The following ZNF462 variants were observed in gnomAD, a reference collection of about 807,000 sequenced individuals.
ZNF462 encodes zinc finger PBX1-interacting protein.
In ZNF462, 10 loss-of-function variants were observed where a neutral mutation model predicts 201.9. The ratio of observed to expected loss-of-function variants is 0.05; its 90% CI spans 0.03 to 0.08. The LOEUF (loss-of-function observed/expected upper bound fraction) is 0.08, where lower values mean the gene tolerates loss of function less well. ZNF462 is among the 10% of genes least tolerant of loss of function. ZNF462 has a pLI of 1.00. For synonymous variants in ZNF462, 1,227 were observed against 1,193.3 expected (o/e 1.03, Z -0.58); for missense variants, 2,523 against 3,168.3 (o/e 0.80, Z 4.89).
Position 106,923,187 on chromosome 9 carries a change from A to G in ZNF462, c.-30-167A>G, listed in dbSNP as rs1247243382. Among the ~76,000 whole-genome samples the G allele has an allele frequency of 1.3e-5, 2 of 152,218 alleles. No individual in the cohort carries two copies. Among genetic ancestry groups the G allele is most frequent in the Non-Finnish European group, 2.9e-5 (2 of 68,034 alleles). ...TTATGAGGTCAAGGACATCATCTCC[A>G]TTATGTCTGATTGCCTCTCTTTAGC... On this transcript the variant is annotated intron_variant, in intron 1 of 12. Transcript: ENST00000277225. The surrounding 1 kb of genome is among the most constrained non-coding windows in gnomAD (Gnocchi z 5.6).
chr9:106,892,320 A>G (rs149584518), intron 1 of ZNF462, among the ~76,000 whole-genome samples: 4 of 152,282 alleles, frequency 2.6e-5, no homozygotes, highest in African/African-American at 7.2e-5. Context: ...TTAGGTAGCT[A>G]TATACGTAAG....
At chr9:106,864,470 C>A (rs1827241575) in intron 1 of ZNF462, among the ~76,000 whole-genome samples, 2 of 152,200 alleles carry the variant, frequency 1.3e-5, no homozygotes, top group South Asian at 4.2e-4. Flanking sequence ...TTGGAGCAGC[C>A]CCTCTTTCCC....
Position 107,003,058 on chromosome 9 carries a change from A to AC in ZNF462, c.7057-236_7057-235insC, listed in dbSNP as rs1414332452. 1.3e-5 allele frequency among the ~76,000 whole-genome samples: 2 copies of AC among 152,176 alleles called. No individual in the cohort carries two copies. Among genetic ancestry groups the AC allele is most frequent in the Non-Finnish European group, 2.9e-5 (2 of 68,024 alleles). ...GCTCATGTTTCTTCACAAGTTTGGTAATGAAGGTCCGGTGTACAAAAGTTC... is the reference window on the plus strand; with the variant it reads ...GCTCATGTTTCTTCACAAGTTTGGTACATGAAGGTCCGGTGTACAAAAGTTC... On this transcript the variant is annotated intron_variant, in intron 10 of 12. Transcript: ENST00000277225. The surrounding 1 kb of genome is among the most constrained non-coding windows in gnomAD (Gnocchi z 4.4).
At chr9:106,965,214 T>G (rs1479289113) in intron 7 of ZNF462, among the ~76,000 whole-genome samples, 1 of 152,020 alleles carries the variant, frequency 6.6e-6, no homozygotes, top group African/African-American at 2.4e-5. Context: ...TGGCGTTGAT[T>G]AAGGATCCCC....
intron 1 of ZNF462, among the ~76,000 whole-genome samples, chr9:106,894,606 CTTA>C (rs1392700327): frequency 4.6e-5 from 7 of 152,160 alleles, no homozygotes; most frequent in African/African-American, 1.4e-4. Context: ...AATGAAAACT[CTTA>C]AATAAGTACT....
chr9:107,010,180 C>T lies in ZNF462; in HGVS notation c.7313+512C>T, dbSNP rs1383969331. Among the ~76,000 whole-genome samples, 2 of 152,096 alleles carry T rather than the reference C, an allele frequency of 1.3e-5. No individual in the cohort carries two copies. Among genetic ancestry groups the T allele is most frequent in the South Asian group, 2.1e-4 (1 of 4,822 alleles). On this transcript the variant is annotated intron_variant, in intron 12 of 12. Transcript: ENST00000277225. This position sits in a 1 kb window ranked among gnomAD's most constrained non-coding sequence, Gnocchi z 4.6. ...ATAAAATCAGCCCCTCAACAAGGCA[C>T]GTTAGTCCACCAGATGCAGAGAGAA...
upstream of ZNF462, chr9:106,862,999 C>CAG: frequency 7.6e-6 from 3 of 395,198 alleles, no homozygotes; most frequent in Non-Finnish European, 1.3e-5. This position sits in a 1 kb window ranked among gnomAD's most constrained non-coding sequence, Gnocchi z 4.2. Flanking sequence ...GCTCATTATT[C>CAG]AGAGAGAGAC....
chr9:106,955,818 T>TA (rs1831549122), intron 7 of ZNF462, among the ~76,000 whole-genome samples: 1 of 152,174 alleles, frequency 6.6e-6, no homozygotes, highest in African/African-American at 2.4e-5. Context: ...TGTTCCTCTA[T>TA]AAAAAGCAAC....
intron 10 of ZNF462, among the ~76,000 whole-genome samples, chr9:106,999,427 C>G (rs554323774): frequency 3.0e-4 from 46 of 152,242 alleles, no homozygotes; most frequent in African/African-American, 1.1e-3. Context: ...GGCTTAAATA[C>G]AATAAGGTTT....
chr9:106,988,966 A>G (rs1828061195), intron 10 of ZNF462, among the ~76,000 whole-genome samples: 1 of 152,094 alleles, frequency 6.6e-6, no homozygotes, highest in Non-Finnish European at 1.5e-5. Flanking sequence ...GAAGTAAATG[A>G]TCATATCATC....
intron 10 of ZNF462, among the ~76,000 whole-genome samples, chr9:106,990,444 A>G (rs1828179966): frequency 6.6e-6 from 1 of 151,960 alleles, no homozygotes; most frequent in Non-Finnish European, 1.5e-5. Flanking sequence ...ATTTTTTCCA[A>G]GGTATAGTTT....
chr9:106,868,933 T>C (rs1044166554), intron 1 of ZNF462, among the ~76,000 whole-genome samples: 3 of 152,204 alleles, frequency 2.0e-5, no homozygotes, highest in Non-Finnish European at 2.9e-5. Context: ...GAGCGTGGTT[T>C]CATTCATAGA....
At chr9:106,956,013 A>G (rs1203669239) in intron 7 of ZNF462, among the ~76,000 whole-genome samples, 2 of 152,094 alleles carry the variant, frequency 1.3e-5, no homozygotes, top group Non-Finnish European at 1.5e-5. Flanking sequence ...CACTCCTGCT[A>G]ATGTTGATAT....
chr9:106,961,535 C>CT (rs71491264), intron 7 of ZNF462, among the ~76,000 whole-genome samples: 6,696 of 145,470 alleles, frequency 0.046, 434 homozygotes, highest in African/African-American at 0.15. Flanking sequence ...AGTTTGTACT[C>CT]TTTTTTTTTT....
chr9:106,947,277 A>G (rs1287923671), intron 7 of ZNF462, among the ~76,000 whole-genome samples: 1 of 152,214 alleles, frequency 6.6e-6, no homozygotes, highest in African/African-American at 2.4e-5. Context: ...TGGAGAAGTC[A>G]TTCCAAGGCT....
In ZNF462 at chr9:106,929,635, C is replaced by T. The variant is rs1384043440; in HGVS notation, c.5723C>T (p.Thr1908Ile). The T allele has an allele frequency of 1.9e-6, 3 of 1,614,210 alleles. No homozygotes were observed. Among genetic ancestry groups the T allele is most frequent in the Non-Finnish European group, 2.5e-6 (3 of 1,180,050 alleles). The change falls in exon 3 of 13, where the codon ACC becomes ATC. Residue 1908 changes from threonine (T) to isoleucine (I), a missense_variant. By Grantham distance (89) the Thr-to-Ile change is moderately conservative. This residue lies in a region of ZNF462 where 107 missense variants were observed against 187.7 expected (regional missense o/e 0.57). Transcript: ENST00000277225. This position sits in a 1 kb window ranked among gnomAD's most constrained non-coding sequence, Gnocchi z 8.7. The part of the protein sequence containing the change: ...DSKLQSTAEL[T>I]SHLNIHNEEF... ...AAACTGCAAAGCACAGCCGAGCTGACCTCACACTTGAACATTCACAATGAG... is the reference window on the plus strand; with the variant it reads ...AAACTGCAAAGCACAGCCGAGCTGATCTCACACTTGAACATTCACAATGAG...
intron 1 of ZNF462, among the ~76,000 whole-genome samples, chr9:106,915,259 T>C (rs1829725117): frequency 6.7e-6 from 1 of 150,288 alleles, no homozygotes; most frequent in African/African-American, 2.4e-5. Context: ...CTGAAAAACC[T>C]AACTTTGTTG....
chr9:107,004,814 T>C (rs1438586559), intron 11 of ZNF462, among the ~76,000 whole-genome samples: 1 of 152,138 alleles, frequency 6.6e-6, no homozygotes, highest in East Asian at 1.9e-4. Context: ...AATAGATCTC[T>C]TGAGCTTATT....
intron 11 of ZNF462, among the ~76,000 whole-genome samples, chr9:107,004,820 T>G (rs76064809): frequency 0.048 from 7,330 of 152,204 alleles, 250 homozygotes; most frequent in South Asian, 0.096. Context: ...TCTCTTGAGC[T>G]TATTTTTCCT....
Sources: allele counts gnomAD v4.1 joint callset (sites outside exome capture counted in the v4.1 genomes callset), GRCh38; gene constraint gnomAD v4.1.1; regional missense constraint gnomAD v4.1.1; non-coding constraint Gnocchi (gnomAD v3.1); transcripts MANE v1.5; gene names NCBI Gene and HGNC (gene_info 2026-07-23, HGNC 2026-07-21).